The following MICU3 variants were observed in gnomAD, a reference collection of about 807,000 sequenced individuals.
The protein encoded by MICU3 is calcium uptake protein 3, mitochondrial.
In MICU3, 62 loss-of-function variants were observed where a neutral mutation model predicts 66.5. The ratio of observed to expected loss-of-function variants is 0.93; its 90% CI spans 0.76 to 1.15. MICU3 has a LOEUF of 1.15. Ranked by LOEUF, MICU3 falls within the 50% of genes most tolerant of loss-of-function variation. The pLI is 0.00. For synonymous variants in MICU3, 308 were observed against 240.7 expected (o/e 1.28, Z -2.59); for missense variants, 779 against 664.4 (o/e 1.17, Z -1.90).
At position 17,077,776 on chromosome 8, in the gene MICU3, G is replaced by C. The variant is rs772658345; in HGVS notation, c.568-7G>C. On this transcript the variant is annotated splice_polypyrimidine_tract_variant and splice_region_variant and intron_variant, in intron 3 of 14. Transcript: ENST00000318063. ...CCAATTCATCAGTAGTATAACTTCT[G>C]TCATAGGAATTAAATCAAATGCTCG... 1.9e-6 allele frequency: 3 copies of C among 1,602,550 alleles called. No homozygotes were observed. Among genetic ancestry groups the C allele is most frequent in the Admixed American group, 1.7e-5 (1 of 59,648 alleles).
intron 1 of MICU3, among the ~76,000 whole-genome samples, chr8:17,050,483 G>A (rs547421631): frequency 4.8e-4 from 73 of 152,064 alleles, no homozygotes; most frequent in Middle Eastern, 6.8e-3. Context: ...TAAATGGTCA[G>A]TTTATATAGT....
chr8:17,057,362 A>G (rs557923654), intron 1 of MICU3, among the ~76,000 whole-genome samples: 78 of 152,318 alleles, frequency 5.1e-4, no homozygotes, highest in African/African-American at 1.7e-3. Flanking sequence ...TTCCCAGAAC[A>G]TAACAGGCGA....
At chr8:17,064,012 A>G (rs1818283443) in intron 1 of MICU3, 72 bp from the exon 2 acceptor site, 2 of 1,152,862 alleles carry the variant, frequency 1.7e-6, no homozygotes, top group Non-Finnish European at 2.4e-6. Context: ...CACTTTCAAC[A>G]TAATTAAAAG....
intron 8 of MICU3, among the ~76,000 whole-genome samples, chr8:17,094,342 T>TA (rs1182129607): frequency 6.6e-6 from 1 of 152,086 alleles, no homozygotes; most frequent in Non-Finnish European, 1.5e-5. Context: ...TTACATATGT[T>TA]ATGTATTTAC....
Position 17,031,261 on chromosome 8 carries a change from A to ATTT in MICU3, c.381+3602_381+3604dup, listed in dbSNP as rs1168836075. ...TATTTTAAACCTATGCTGCCACTTC[A>ATTT]TTTATTATTATTATTATTATTATTA... On this transcript the variant is annotated intron_variant, in intron 1 of 14. Coordinates refer to ENST00000318063, the MANE Select transcript of MICU3 (RefSeq NM_181723.3). Among the ~76,000 whole-genome samples the ATTT allele has an allele frequency of 2.2e-3, 167 of 77,424 alleles. 1 individual carries two copies. Among genetic ancestry groups the ATTT allele is most frequent in the African/African-American group, 0.011 (166 of 14,516 alleles). 50.8% of individuals were successfully genotyped at this position (77,424 alleles called of 152,430 possible).
chr8:17,096,010 T>A (rs1055413707), intron 8 of MICU3, among the ~76,000 whole-genome samples: 1 of 152,022 alleles, frequency 6.6e-6, no homozygotes, highest in African/African-American at 2.4e-5. Flanking sequence ...CTTTCACTTG[T>A]GAAGTTCTGG....
In MICU3 at chr8:17,121,531, T is replaced by C. The variant is rs1052618998; in HGVS notation, c.*1244T>C. Reference sequence around the variant, plus strand: ...TAGTCTGAATTAACGTATTTACATATTGCATATGGAAGATAAGTTCATTTA... The same window carrying C: ...TAGTCTGAATTAACGTATTTACATACTGCATATGGAAGATAAGTTCATTTA... On this transcript the variant is annotated 3_prime_UTR_variant, in exon 15 of 15. Coordinates refer to ENST00000318063, the MANE Select transcript of MICU3 (RefSeq NM_181723.3). 6.6e-6 allele frequency: 1 copy of C among 152,188 alleles called. No homozygotes were observed. The highest frequency in any genetic ancestry group is 2.4e-5 in the African/African-American group (1 of 41,426). The allele number at this position is 152,188 out of a possible 1,614,324, so 9.4% of individuals were successfully genotyped here.
At chr8:17,068,302 A>G (rs1819031718) in intron 2 of MICU3, among the ~76,000 whole-genome samples, 1 of 152,160 alleles carries the variant, frequency 6.6e-6, no homozygotes, top group African/African-American at 2.4e-5. Context: ...TTTCCGACAG[A>G]ATGAATATGT....
chr8:17,135,996 T>C, the MICU3 span, among the ~76,000 whole-genome samples: 4 of 152,140 alleles, frequency 2.6e-5, no homozygotes, highest in Non-Finnish European at 5.9e-5. Context: ...GTTAGCTTCT[T>C]CATCTATAAA....
intron 1 of MICU3, among the ~76,000 whole-genome samples, chr8:17,053,316 C>A (rs929518735): frequency 2.6e-5 from 4 of 152,168 alleles, no homozygotes; most frequent in East Asian, 3.9e-4. Flanking sequence ...AATCCTTTAT[C>A]TGGCATTTAA....
rs773741785 is a variant in MICU3, at chr8:17,086,991, GA to G, written c.809del (p.Lys270ArgfsTer45). ...TCAAGAGATATTCAGGAAAAAAAAT[GA>G]AAAGAGAGAAATTAAAGGAGATGAA... ...VLQEIFRKKNEKREIKGDEEK... is the reference protein window; with the variant it reads ...VLQEIFRKKNXKREIKGDEEK... On this transcript the variant is annotated frameshift_variant, in exon 7 of 15. Coordinates refer to ENST00000318063, the MANE Select transcript of MICU3 (RefSeq NM_181723.3). LOFTEE classifies it high-confidence loss of function. The G allele has an allele frequency of 1.2e-6, 2 of 1,605,848 alleles. No individual in the cohort carries two copies. Among genetic ancestry groups the G allele is most frequent in the South Asian group, 1.1e-5 (1 of 90,764 alleles).
intron 12 of MICU3, among the ~76,000 whole-genome samples, chr8:17,115,561 A>G (rs12680013): frequency 0.05 from 7,639 of 152,276 alleles, 354 homozygotes; most frequent in East Asian, 0.25. Context: ...TCTTTTTGCC[A>G]TCACAAGTAT....
chr8:17,092,330 A>C (rs189961504), intron 8 of MICU3, among the ~76,000 whole-genome samples: 2 of 152,136 alleles, frequency 1.3e-5, no homozygotes, highest in Admixed American at 1.3e-4. Context: ...TAACGTTGCT[A>C]AAAGAAAATA....
intron 1 of MICU3, among the ~76,000 whole-genome samples, chr8:17,063,702 A>C (rs937261764): frequency 2.0e-5 from 3 of 152,166 alleles, no homozygotes; most frequent in African/African-American, 7.2e-5. Context: ...CTTGTAATTA[A>C]ATACATTAGC....
intron 14 of MICU3, among the ~76,000 whole-genome samples, chr8:17,119,423 G>T (rs1803003404): frequency 6.6e-6 from 1 of 151,890 alleles, no homozygotes; most frequent in South Asian, 2.1e-4. Context: ...TTGGTCAGTT[G>T]TGGGTTTTTA....
chr8:17,093,630 G>T (rs1217997920), intron 8 of MICU3, among the ~76,000 whole-genome samples: 1 of 151,560 alleles, frequency 6.6e-6, no homozygotes, highest in Admixed American at 6.6e-5. Context: ...CTTAATTTTT[G>T]TTTTATGTAT....
At chr8:17,054,389 A>G (rs1335539490) in intron 1 of MICU3, among the ~76,000 whole-genome samples, 3 of 152,196 alleles carry the variant, frequency 2.0e-5, no homozygotes, top group African/African-American at 4.8e-5. Flanking sequence ...GTTTATATAC[A>G]TATATGTATT....
chr8:17,061,901 C>G (rs1404165771), intron 1 of MICU3, among the ~76,000 whole-genome samples: 1 of 152,098 alleles, frequency 6.6e-6, no homozygotes, highest in Non-Finnish European at 1.5e-5. Flanking sequence ...ACGGCAGGGC[C>G]AAAACAATTT....
chr8:17,130,516 A>C, the MICU3 span, among the ~76,000 whole-genome samples: 2 of 152,138 alleles, frequency 1.3e-5, no homozygotes, highest in Non-Finnish European at 2.9e-5. Context: ...CTGTCTCAAA[A>C]AAAAAAAGAG....
Sources: gnomAD v4.1 joint callset for allele counts (sites outside exome capture counted in the v4.1 genomes callset) on GRCh38, gnomAD v4.1.1 for gene constraint, MANE v1.5 for transcripts, NCBI Gene and HGNC (gene_info 2026-07-23, HGNC 2026-07-21) for gene names.